The following RNF128 variants were observed in gnomAD, a reference collection of about 807,000 sequenced individuals.
RNF128 encodes the protein ring finger protein 128.
RNF128 carries 13 observed loss-of-function variants against 26.2 expected under a neutral mutation model. The ratio of observed to expected loss-of-function variants is 0.50; its 90% CI spans 0.32 to 0.79. The LOEUF (loss-of-function observed/expected upper bound fraction) is 0.79. Among genes scored for constraint, RNF128 ranks in the 30% least tolerant of loss-of-function variants. RNF128 has a pLI of 0.03. For synonymous variants in RNF128, 149 were observed against 142.5 expected, an observed-to-expected ratio of 1.05 and a Z score of -0.32; for missense variants, 315 against 349.7, an observed-to-expected ratio of 0.90 and a Z score of 0.79.
chrX:106,712,942 G>A (rs1448164279), intron 1 of RNF128, among the ~76,000 whole-genome samples: 2 of 104,850 alleles, frequency 1.9e-5, no homozygotes, highest in Non-Finnish European at 3.9e-5. Context: ...GTGCAGTGGC[G>A]CTATCTGGGC....
chrX:106,706,321 A>C (rs1265679835), intron 1 of RNF128, among the ~76,000 whole-genome samples: 2 of 111,125 alleles, frequency 1.8e-5, no homozygotes, highest in African/African-American at 6.6e-5. Flanking sequence ...AACAATGTGG[A>C]TTTGTTTATA....
chrX:106,754,440 T>C (rs1473400079), intron 1 of RNF128, among the ~76,000 whole-genome samples: 2 of 92,787 alleles, frequency 2.2e-5, no homozygotes, highest in African/African-American at 4.1e-5. Flanking sequence ...TTTTTTTTTT[T>C]TGTAGCGACA....
chrX:106,749,434 G>A (rs1329387330), intron 1 of RNF128, among the ~76,000 whole-genome samples: 1 of 112,204 alleles, frequency 8.9e-6, no homozygotes, highest in African/African-American at 3.2e-5. Flanking sequence ...TGTAGCAACA[G>A]AAACACACAA....
chrX:106,768,144 A>G (rs750906473), intron 1 of RNF128, among the ~76,000 whole-genome samples: 42 of 111,635 alleles, frequency 3.8e-4, no homozygotes, highest in Admixed American at 2.0e-3. Flanking sequence ...TTTTTGCATC[A>G]TTGTTCATCA....
intron 1 of RNF128, among the ~76,000 whole-genome samples, chrX:106,711,730 G>A (rs1929131056): frequency 9.0e-6 from 1 of 110,593 alleles, no homozygotes; most frequent in African/African-American, 3.3e-5. Context: ...TAAGTTCCGG[G>A]ATACATGTGC....
intron 2 of RNF128, among the ~76,000 whole-genome samples, chrX:106,776,875 A>T (rs1930473984): frequency 9.0e-6 from 1 of 111,632 alleles, no homozygotes; most frequent in Admixed American, 9.5e-5. Flanking sequence ...GTTAACAGGA[A>T]CCTATAACTT....
intron 1 of RNF128, among the ~76,000 whole-genome samples, chrX:106,748,960 TAC>T (rs1218282141): frequency 8.9e-6 from 1 of 112,201 alleles, no homozygotes; most frequent in Non-Finnish European, 1.9e-5. Flanking sequence ...ACATATTATA[TAC>T]AGTTATCAAA....
chrX:106,730,758 T>C (rs769622958), intron 1 of RNF128, among the ~76,000 whole-genome samples: 1 of 111,240 alleles, frequency 9.0e-6, no homozygotes, highest in South Asian at 3.8e-4. Flanking sequence ...TTTACAACGT[T>C]ATGCATAAAA....
intron 1 of RNF128, among the ~76,000 whole-genome samples, chrX:106,700,940 A>C (rs2147657305): frequency 8.9e-6 from 1 of 111,940 alleles, no homozygotes; most frequent in African/African-American, 3.2e-5. Flanking sequence ...AATTTATTTA[A>C]CCAGTCCCCT....
At chrX:106,753,039 A>G (rs1929927930) in intron 1 of RNF128, among the ~76,000 whole-genome samples, 1 of 111,563 alleles carries the variant, frequency 9.0e-6, no homozygotes, top group Admixed American at 9.6e-5. Flanking sequence ...AGAATAAAAT[A>G]GAATGAAGCA....
chrX:106,714,963 A>G (rs1421279363), intron 1 of RNF128, among the ~76,000 whole-genome samples: 4 of 112,142 alleles, frequency 3.6e-5, no homozygotes, highest in African/African-American at 1.3e-4. Flanking sequence ...ACTGAAGGAT[A>G]TTTAGGTTGT....
At chrX:106,783,759 C>T (rs1187987241) in intron 2 of RNF128, among the ~76,000 whole-genome samples, 1 of 111,245 alleles carries the variant, frequency 9.0e-6, no homozygotes, top group Non-Finnish European at 1.9e-5. Flanking sequence ...AGAAGCTTGG[C>T]GCCAACCTCC....
chrX:106,787,793 G>A (rs1930682887), intron 3 of RNF128, 125 bp from the exon 4 acceptor site: 1 of 408,158 alleles, frequency 2.5e-6, no homozygotes, highest in African/African-American at 2.7e-5. Flanking sequence ...TAATCATTCA[G>A]TGATATAATG....
rs747758027 is a variant in RNF128 at position 106,783,561 on chromosome X, C to T, written c.733-1504C>T. Reference sequence around the variant, plus strand: ...AAAGGTCTGGGGGCCTACTTTTTGCCGAATTTCTAAGTTTGTTCATTTTAC... The same window carrying T: ...AAAGGTCTGGGGGCCTACTTTTTGCTGAATTTCTAAGTTTGTTCATTTTAC... On this transcript the variant is annotated intron_variant, in intron 2 of 6. Coordinates refer to ENST00000255499, the MANE Select transcript of RNF128 (RefSeq NM_194463.2). 5.4e-5 allele frequency among the ~76,000 whole-genome samples: 6 copies of T among 111,209 alleles called. No individual in the cohort carries two copies. In the East Asian group the frequency reaches 1.4e-3, roughly 26 times the overall value.
Position 106,793,311 on chromosome X carries a change from G to A in RNF128, c.1153+2077G>A, listed in dbSNP as rs190859479. Among the ~76,000 whole-genome samples the A allele has an allele frequency of 3.6e-5, 4 of 111,340 alleles. No homozygotes were observed. In the East Asian group the frequency reaches 1.1e-3, roughly 31 times the overall value. On this transcript the variant is annotated intron_variant, in intron 6 of 6. Transcript: ENST00000255499. ...TTTAAACTTTGCTGATGTTTGGACT[G>A]TACCTCAGAGCAACTGTGATTTAAC...
At chrX:106,777,079 A>G (rs1930477541) in intron 2 of RNF128, among the ~76,000 whole-genome samples, 1 of 111,755 alleles carries the variant, frequency 8.9e-6, no homozygotes, top group Admixed American at 9.5e-5. Context: ...TAACCAAACC[A>G]AACTGTATCA....
intron 1 of RNF128, among the ~76,000 whole-genome samples, chrX:106,747,401 A>T (rs1326942972): frequency 9.0e-6 from 1 of 111,329 alleles, no homozygotes; most frequent in Non-Finnish European, 1.9e-5. Flanking sequence ...TTTCTTTGGG[A>T]TGAGCGCTAT....
At chrX:106,749,760 C>G (rs1929848485) in intron 1 of RNF128, among the ~76,000 whole-genome samples, 1 of 109,915 alleles carries the variant, frequency 9.1e-6, no homozygotes, top group African/African-American at 3.3e-5. Flanking sequence ...AAAAAATTAC[C>G]CGGGTGTGGT....
chrX:106,694,351 G>C (rs1928840068), exon 1 of RNF128: 2 of 1,206,297 alleles, frequency 1.7e-6, no homozygotes, highest in Admixed American at 2.2e-5. Flanking sequence ...TGCTGATGCT[G>C]TTGTGATTTA....
Sources: allele counts gnomAD v4.1 joint callset (sites outside exome capture counted in the v4.1 genomes callset), GRCh38; gene constraint gnomAD v4.1.1; transcripts MANE v1.5; gene names NCBI Gene and HGNC (gene_info 2026-07-23, HGNC 2026-07-21).